The following ITSN1 variants were observed in gnomAD, a reference collection of about 807,000 sequenced individuals.
ITSN1 encodes the protein intersectin 1.
A neutral mutation model predicts 239.8 loss-of-function variants in ITSN1; 58 were observed. The observed-to-expected ratio is 0.24, with a 90% CI of 0.20 to 0.30. The LOEUF (loss-of-function observed/expected upper bound fraction) is 0.30. Ranked by LOEUF, ITSN1 falls within the 10% of genes least tolerant of loss-of-function variation. ITSN1 has a pLI of 1.00. For synonymous variants in ITSN1, 780 were observed against 770.8 expected, an observed-to-expected ratio of 1.01 and a Z score of -0.20; for missense variants, 1,558 against 2,103.3, an observed-to-expected ratio of 0.74 and a Z score of 5.07.
At chr21:33,787,141 A>T (rs1188475770) in intron 16 of ITSN1, among the ~76,000 whole-genome samples, 1 of 152,154 alleles carries the variant, frequency 6.6e-6, no homozygotes, top group Non-Finnish European at 1.5e-5. Context: ...TGGTGGTGTA[A>T]ACTGAATTAC....
rs531247957 is a variant in ITSN1, at chr21:33,822,221, G to A, written c.3017-1266G>A. ...GCCCACGTGAGCACAAGAGTTAGAG[G>A]TTTTTGTGTTTTTGTCTGTTTGTTT... On this transcript the variant is annotated intron_variant, in intron 24 of 39. Coordinates refer to ENST00000381318, the MANE Select transcript of ITSN1 (RefSeq NM_003024.3). Among the ~76,000 whole-genome samples the A allele has an allele frequency of 4.6e-5, 7 of 152,312 alleles. No individual in the cohort carries two copies. The South Asian group carries it at 1.0e-3, about 23-fold the overall frequency.
At chr21:33,655,494 C>T (rs370521236) in intron 1 of ITSN1, among the ~76,000 whole-genome samples, 45 of 151,960 alleles carry the variant, frequency 3.0e-4, no homozygotes, top group African/African-American at 1.0e-3. Flanking sequence ...AATCTTGGCT[C>T]ACTGCAATCT....
chr21:33,643,990 G>T, intron 1 of ITSN1: 1 of 152,408 alleles, frequency 6.6e-6, no homozygotes. Context: ...GGCAGGAACT[G>T]GGGCCAGGAC....
At chr21:33,662,692 G>T (rs2089650213) in intron 1 of ITSN1, among the ~76,000 whole-genome samples, 2 of 152,192 alleles carry the variant, frequency 1.3e-5, no homozygotes, top group African/African-American at 2.4e-5. Flanking sequence ...GGTTGGAGTT[G>T]TGCTCAGCTC....
chr21:33,739,586 CAGAG>C (rs916045920), intron 5 of ITSN1, among the ~76,000 whole-genome samples: 1 of 151,990 alleles, frequency 6.6e-6, no homozygotes, highest in African/African-American at 2.4e-5. Flanking sequence ...AGTAGAGAGA[CAGAG>C]AGAGAGAAAC....
chr21:33,723,280 C>T (rs1398585055), intron 4 of ITSN1, among the ~76,000 whole-genome samples: 2 of 152,152 alleles, frequency 1.3e-5, no homozygotes, highest in Non-Finnish European at 2.9e-5. Context: ...TACTTCACTT[C>T]CCTGAGTTAA....
chr21:33,838,796 G>A (rs1474833176), intron 29 of ITSN1, among the ~76,000 whole-genome samples: 2 of 152,186 alleles, frequency 1.3e-5, no homozygotes, highest in African/African-American at 4.8e-5. Context: ...GATATAAGTT[G>A]TCGACACATT....
chr21:33,830,195 C>T (rs550368368), intron 27 of ITSN1, among the ~76,000 whole-genome samples: 1 of 152,274 alleles, frequency 6.6e-6, no homozygotes, highest in East Asian at 1.9e-4. Context: ...TATTGTTAAT[C>T]ATATCATCTT....
intron 1 of ITSN1, among the ~76,000 whole-genome samples, chr21:33,697,234 ATTTTTT>A (rs11419453): frequency 6.6e-5 from 8 of 121,682 alleles, no homozygotes; most frequent in Admixed American, 1.9e-4. Context: ...CACCTGGCTA[ATTTTTT>A]TTTTTTTTTT....
At position 33,884,957 on chromosome 21, in the gene ITSN1, G is replaced by A. The variant is rs749465609; in HGVS notation, c.4677-84G>A. On this transcript the variant is annotated intron_variant, in intron 36 of 39. Coordinates refer to ENST00000381318, the MANE Select transcript of ITSN1 (RefSeq NM_003024.3). ...TTAAAATCAAATGAACAAAGAAACA[G>A]AGTCCTGGCAACAGTGTTTGAACAG... is the stretch of plus-strand genomic sequence containing the variant. 102 of 919,396 alleles carry A rather than the reference G, an allele frequency of 1.1e-4. 2 individuals are homozygous for A. Among genetic ancestry groups the A allele is most frequent in the Non-Finnish European group, 1.7e-4 (98 of 573,464 alleles). The allele number at this position is 919,396 out of a possible 1,614,324, so 57.0% of individuals were successfully genotyped here.
At chr21:33,690,006 G>A (rs147368925) in intron 1 of ITSN1, among the ~76,000 whole-genome samples, 6,323 of 150,544 alleles carry the variant, frequency 0.042, 461 homozygotes, top group African/African-American at 0.15. Context: ...AAATAAGGCC[G>A]GGTGCAGTGG....
intron 20 of ITSN1, among the ~76,000 whole-genome samples, chr21:33,804,672 A>G (rs1283517478): frequency 1.3e-5 from 2 of 152,198 alleles, no homozygotes; most frequent in Admixed American, 1.3e-4. Flanking sequence ...CATCCGTAAC[A>G]TGTTAGTAGA....
At position 33,765,994 on chromosome 21, in the gene ITSN1, A is replaced by G; in HGVS notation, c.908A>G (p.Tyr303Cys). Residue 303 changes from tyrosine to cysteine, a missense_variant, in exon 10 of 40, where the codon TAC becomes TGC. By Grantham distance (194) the Tyr-to-Cys change is radical. Transcript: ENST00000381318. ...QPLPPVLPPEYIPPSFRRVRS... is the reference protein window; with the variant it reads ...QPLPPVLPPECIPPSFRRVRS... ...CTGCCACCTGTCCTGCCTCCAGAAT[A>G]CATTCCACCTTCTTTTAGGTAAGGA... 6.2e-7 allele frequency: 1 copy of G among 1,614,178 alleles called. No individual in the cohort carries two copies. The highest frequency in any genetic ancestry group is 1.1e-5 in the South Asian group (1 of 91,082).
intron 34 of ITSN1, among the ~76,000 whole-genome samples, chr21:33,876,216 T>C (rs1569333432): frequency 3.1e-5 from 1 of 32,218 alleles, no homozygotes; most frequent in Non-Finnish European, 5.8e-5. Context: ...TCCTCTCTTC[T>C]TTTTCTCTTT....
rs987799380 is a variant in ITSN1 at position 33,751,794 on chromosome 21, A to G, written c.527-16A>G. 1.3e-6 allele frequency: 2 copies of G among 1,566,252 alleles called. No homozygotes were observed. Among genetic ancestry groups the G allele is most frequent in the African/African-American group, 1.4e-5 (1 of 73,596 alleles). ...ATCTTTGTAGAATTAAAATTATTCAACATTTATTTTTACAGCAGCCACATT... is the reference window on the plus strand; with the variant it reads ...ATCTTTGTAGAATTAAAATTATTCAGCATTTATTTTTACAGCAGCCACATT... On this transcript the variant is annotated splice_polypyrimidine_tract_variant and intron_variant, in intron 6 of 39. Transcript: ENST00000381318.
chr21:33,861,471 CTG>C (rs1980511870), intron 31 of ITSN1, among the ~76,000 whole-genome samples: 1 of 152,200 alleles, frequency 6.6e-6, no homozygotes. Flanking sequence ...AAAGGGCTAA[CTG>C]GAACACATGG....
chr21:33,720,378 G>A (rs139702604), intron 2 of ITSN1, among the ~76,000 whole-genome samples: 3,349 of 152,280 alleles, frequency 0.022, 60 homozygotes, highest in Middle Eastern at 0.034. Context: ...GAAGGTGTCC[G>A]AGCTTTTGAA....
intron 1 of ITSN1, among the ~76,000 whole-genome samples, chr21:33,693,963 C>G (rs932816847): frequency 1.3e-5 from 2 of 152,202 alleles, no homozygotes; most frequent in East Asian, 3.9e-4. Context: ...ACACAATGGA[C>G]AAATACCTCA....
intron 31 of ITSN1, among the ~76,000 whole-genome samples, chr21:33,863,963 G>A (rs1569316761): frequency 6.6e-6 from 1 of 152,234 alleles, no homozygotes; most frequent in African/African-American, 2.4e-5. Flanking sequence ...CACTTCAGGT[G>A]GAATCGCTGA....
Sources: gnomAD v4.1 joint callset for allele counts (sites outside exome capture counted in the v4.1 genomes callset) on GRCh38, gnomAD v4.1.1 for gene constraint, MANE v1.5 for transcripts, NCBI Gene and HGNC (gene_info 2026-07-23, HGNC 2026-07-21) for gene names.